Variants in TPD52 observed in about 807,000 individuals in gnomAD.
TPD52 encodes the protein tumor protein D52, also known as prostate and colon associated protein.
In TPD52, 17 loss-of-function variants were observed where a neutral mutation model predicts 31.3. The observed-to-expected ratio is 0.54, with a 90% CI of 0.37 to 0.82. The LOEUF is 0.82. Ranked by LOEUF, TPD52 falls within the 40% of genes least tolerant of loss-of-function variation. TPD52 has a pLI of 0.00. For synonymous variants in TPD52, 83 were observed against 89.6 expected, an observed-to-expected ratio of 0.93 and a Z score of 0.42; for missense variants, 212 against 240.1, an observed-to-expected ratio of 0.88 and a Z score of 0.77.
chr8:80,145,505 A>G (rs1233943036), intron 1 of TPD52, among the ~76,000 whole-genome samples: 1 of 152,244 alleles, frequency 6.6e-6, no homozygotes, highest in African/African-American at 2.4e-5. Context: ...GACTCAGCTC[A>G]GTGCTGGGCA....
chr8:80,144,887 A>G (rs1810087188), intron 1 of TPD52, among the ~76,000 whole-genome samples: 1 of 146,822 alleles, frequency 6.8e-6, no homozygotes, highest in South Asian at 2.1e-4. Flanking sequence ...TATAACAACC[A>G]AAAAAAAAAA....
chr8:80,095,779 C>A (rs1192734899), intron 1 of TPD52, among the ~76,000 whole-genome samples: 1 of 152,134 alleles, frequency 6.6e-6, no homozygotes, highest in Non-Finnish European at 1.5e-5. Flanking sequence ...CTCCGTCTGT[C>A]TCCACTAAAA....
chr8:80,142,353 G>A (rs766964294), intron 1 of TPD52, among the ~76,000 whole-genome samples: 4 of 152,172 alleles, frequency 2.6e-5, no homozygotes, highest in Non-Finnish European at 5.9e-5. Flanking sequence ...ATTAAATTAA[G>A]GTTGGGCTGG....
intron 1 of TPD52, among the ~76,000 whole-genome samples, chr8:80,104,731 G>A (rs1806985924): frequency 6.7e-6 from 1 of 149,846 alleles, no homozygotes; most frequent in African/African-American, 2.5e-5. Flanking sequence ...TTTATAGTTA[G>A]GTTCTCAGAT....
intron 1 of TPD52, among the ~76,000 whole-genome samples, chr8:80,117,575 G>A (rs1807950131): frequency 6.6e-6 from 1 of 152,122 alleles, no homozygotes; most frequent in African/African-American, 2.4e-5. Flanking sequence ...TCAATTTACA[G>A]ATTCAGTGTA....
intron 2 of TPD52, among the ~76,000 whole-genome samples, chr8:80,057,069 G>A (rs183564784): frequency 7.2e-5 from 11 of 152,168 alleles, no homozygotes; most frequent in African/African-American, 2.7e-4. Context: ...TCAGGAGGCT[G>A]AGGCAGGAGA....
downstream of TPD52, among the ~76,000 whole-genome samples, chr8:80,031,206 GAA>G (rs907883119): frequency 1.3e-5 from 2 of 152,188 alleles, no homozygotes; most frequent in African/African-American, 2.4e-5. Flanking sequence ...TACTTCGAGA[GAA>G]AGAATTTTTA....
chr8:80,109,492 C>A (rs1408025814), intron 1 of TPD52, among the ~76,000 whole-genome samples: 1 of 152,126 alleles, frequency 6.6e-6, no homozygotes, highest in African/African-American at 2.4e-5. Context: ...CTGCAACCTC[C>A]GCCTCCCAGG....
At chr8:80,034,596 C>T (rs1170501796), downstream of TPD52, 1 of 152,092 alleles carries the variant, frequency 6.6e-6, no homozygotes, top group Non-Finnish European at 1.5e-5. Context: ...TAGAAGATAA[C>T]AACAGATAGA....
intron 1 of TPD52, among the ~76,000 whole-genome samples, chr8:80,106,341 A>G (rs920152773): frequency 6.6e-6 from 1 of 151,964 alleles, no homozygotes; most frequent in Admixed American, 6.6e-5. Flanking sequence ...CAGTAGGTTT[A>G]TTGTTGTTGT....
chr8:80,044,584 T>C (rs959804556), intron 5 of TPD52, among the ~76,000 whole-genome samples: 1 of 139,174 alleles, frequency 7.2e-6, no homozygotes, highest in South Asian at 2.1e-4. Context: ...AAATGAAGCA[T>C]GCACACACAC....
chr8:80,159,379 T>C (rs1016941178), intron 1 of TPD52, among the ~76,000 whole-genome samples: 4 of 152,216 alleles, frequency 2.6e-5, no homozygotes, highest in Admixed American at 2.0e-4. Flanking sequence ...CACTGCTTGG[T>C]GCTCCTTTCC....
intron 1 of TPD52, among the ~76,000 whole-genome samples, chr8:80,126,314 A>G (rs1440971441): frequency 6.6e-6 from 1 of 150,602 alleles, no homozygotes; most frequent in Non-Finnish European, 1.5e-5. Context: ...ACAGGGAAAA[A>G]TATTTTTGCT....
intron 1 of TPD52, among the ~76,000 whole-genome samples, chr8:80,076,909 T>C (rs1049386450): frequency 6.6e-6 from 1 of 152,144 alleles, no homozygotes; most frequent in Admixed American, 6.5e-5. Context: ...TCAAGTGATC[T>C]GCCCGCCTCA....
At position 80,052,670 on chromosome 8, in the gene TPD52, C is replaced by T. The variant is rs1007226076; in HGVS notation, c.284+612G>A. 3.6e-5 allele frequency: 46 copies of T among 1,289,184 alleles called. No individual in the cohort carries two copies. The African/African-American group carries it at 5.2e-4, about 14-fold the overall frequency. 79.9% of individuals were successfully genotyped at this position (1,289,184 alleles called of 1,614,324 possible). On this transcript the variant is annotated intron_variant, in intron 3 of 7. Transcript: ENST00000518937. The stretch of plus-strand genomic sequence containing the variant: ...TTCGGTTTCTGCTGCTAGAAGCTTG[C>T]TCCTCCTTGTGCCGGGAAACAAAAC...
In TPD52 at chr8:80,154,739, A is replaced by G. The variant is rs6982824; in HGVS notation, c.19+16686T>C. Reference sequence around the variant, plus strand: ...CACACACACACACACACACACACACACACACACACACACAAAACACCTACA... The same window carrying G: ...CACACACACACACACACACACACACGCACACACACACACAAAACACCTACA... On this transcript the variant is annotated intron_variant, in intron 1 of 7. Transcript: ENST00000518937. Among the ~76,000 whole-genome samples, 242 of 137,834 alleles carry G rather than the reference A, an allele frequency of 1.8e-3. 11 individuals are homozygous for G. The highest frequency in any genetic ancestry group is 0.013 in the South Asian group (58 of 4,582). The allele number at this position is 137,834 out of a possible 152,430, so 90.4% of individuals were successfully genotyped here.
At chr8:80,139,093 A>C (rs1809637857) in intron 1 of TPD52, among the ~76,000 whole-genome samples, 1 of 151,944 alleles carries the variant, frequency 6.6e-6, no homozygotes, top group Admixed American at 6.6e-5. Flanking sequence ...ACTCTCATCT[A>C]TTTGTGCCAC....
At chr8:80,095,313 A>C (rs1440522433) in intron 1 of TPD52, among the ~76,000 whole-genome samples, 1 of 152,196 alleles carries the variant, frequency 6.6e-6, no homozygotes, top group Non-Finnish European at 1.5e-5. Flanking sequence ...ATTCTGGAAA[A>C]GACAAAATTA....
At chr8:80,156,502 C>A (rs1454598242) in intron 1 of TPD52, among the ~76,000 whole-genome samples, 1 of 152,102 alleles carries the variant, frequency 6.6e-6, no homozygotes, top group Non-Finnish European at 1.5e-5. Context: ...TGTTTTAAAA[C>A]CATCACCAAG....
Sources: gnomAD v4.1 joint callset for allele counts (sites outside exome capture counted in the v4.1 genomes callset) on GRCh38, gnomAD v4.1.1 for gene constraint, MANE v1.5 for transcripts, NCBI Gene and HGNC (gene_info 2026-07-23, HGNC 2026-07-21) for gene names.